DPP6: variants seen among roughly 807,000 people sequenced by gnomAD.
The protein encoded by DPP6 is A-type potassium channel modulatory protein DPP6.
DPP6 carries 69 observed loss-of-function variants against 122.6 expected under a neutral mutation model. That is an observed-to-expected ratio of 0.56 (90% CI 0.46 to 0.69). DPP6 has a LOEUF of 0.69. DPP6 is among the 30% of genes least tolerant of loss of function. The pLI is 0.00. For missense variants in DPP6, 928 were observed against 1,116.9 expected (o/e 0.83, Z 2.41); for synonymous variants, 418 against 433.1 (o/e 0.97, Z 0.43).
chr7:154,664,655 CT>C (rs59357287), intron 6 of DPP6, among the ~76,000 whole-genome samples: 19,007 of 126,942 alleles, frequency 0.15, 1,104 homozygotes, highest in South Asian at 0.21. Context: ...ATATGGAATT[CT>C]TTTTTTTTTT....
chr7:154,365,516 T>G (rs1812079976), intron 1 of DPP6, among the ~76,000 whole-genome samples: 1 of 152,142 alleles, frequency 6.6e-6, no homozygotes, highest in African/African-American at 2.4e-5. Context: ...GAGGGGAACG[T>G]GTAACTATGA....
chr7:153,964,818 TTTCC>T (rs10540702), intron 1 of DPP6, among the ~76,000 whole-genome samples: 42,439 of 80,324 alleles, frequency 0.53, 8,717 homozygotes, highest in East Asian at 0.6. Context: ...TTTCCTTTCC[TTTCC>T]TTTCCTTTTC....
At chr7:153,823,406 C>T in the DPP6 span, among the ~76,000 whole-genome samples, 1 of 145,240 alleles carries the variant, frequency 6.9e-6, no homozygotes, top group African/African-American at 2.6e-5. Context: ...CCAGTTCAGC[C>T]AATGGAAGTC....
chr7:154,803,468 T>A (rs58757620), intron 13 of DPP6, among the ~76,000 whole-genome samples: 1,680 of 152,302 alleles, frequency 0.011, 38 homozygotes, highest in African/African-American at 0.039. Flanking sequence ...TCCCGGCATT[T>A]GTCTCTTTCC....
At chr7:153,974,071 G>C (rs1244668906) in intron 1 of DPP6, among the ~76,000 whole-genome samples, 4 of 152,108 alleles carry the variant, frequency 2.6e-5, no homozygotes, top group Admixed American at 2.6e-4. Flanking sequence ...GCAAAGGATC[G>C]GGCACATTGG....
In DPP6 at chr7:154,386,681, T is replaced by A. The variant is rs184632080; in HGVS notation, c.244-59533T>A. The stretch of plus-strand genomic sequence containing the variant: ...TAGCTCTCCACTGGATTACCCTGTT[T>A]CATATGTAAAAGTTAGGTTAACTCG... On this transcript the variant is annotated intron_variant, in intron 1 of 25. Transcript: ENST00000377770. Among the ~76,000 whole-genome samples, 418 of 152,270 alleles carry A rather than the reference T, an allele frequency of 2.7e-3. 1 individual carries two copies. Among genetic ancestry groups the A allele is most frequent in the African/African-American group, 1.0e-2 (414 of 41,556 alleles).
chr7:154,395,946 GTT>G (rs34530908), intron 1 of DPP6, among the ~76,000 whole-genome samples: 1,482 of 145,454 alleles, frequency 0.01, 16 homozygotes, highest in East Asian at 0.024. Context: ...AATTTCTTGA[GTT>G]TTTTTTTTTT....
At chr7:154,502,443 A>G (rs78927868) in intron 3 of DPP6, among the ~76,000 whole-genome samples, 2,251 of 152,200 alleles carry the variant, frequency 0.015, 61 homozygotes, top group African/African-American at 0.051. Context: ...GTGGGAGGTG[A>G]TGAATTATGG....
At chr7:154,758,904 C>T (rs972500612) in intron 8 of DPP6, among the ~76,000 whole-genome samples, 3 of 152,186 alleles carry the variant, frequency 2.0e-5, no homozygotes, top group Admixed American at 6.5e-5. Context: ...CGCCTGTTTG[C>T]GTCCTTCCCG....
chr7:154,546,425 T>C (rs1829193836), intron 4 of DPP6, among the ~76,000 whole-genome samples: 1 of 150,884 alleles, frequency 6.6e-6, no homozygotes, highest in African/African-American at 2.4e-5. Context: ...CTTCTCACAA[T>C]GAGTATGTAA....
chr7:154,721,246 A>G lies in DPP6; in HGVS notation c.763-6521A>G, dbSNP rs75767607. On this transcript the variant is annotated intron_variant, in intron 7 of 25. Transcript: ENST00000377770. The stretch of plus-strand genomic sequence containing the variant: ...TCTGGAACCTGCTGCGTAAGGTCCA[A>G]TCCTGGCTCCTCCTTCCGCTAACTG... 9.9e-4 allele frequency among the ~76,000 whole-genome samples: 151 copies of G among 152,322 alleles called. 5 individuals are homozygous for G. In the East Asian group the frequency reaches 0.025, roughly 25 times the overall value.
intron 1 of DPP6, among the ~76,000 whole-genome samples, chr7:154,425,514 C>T (rs1817805969): frequency 6.6e-6 from 1 of 151,760 alleles, no homozygotes; most frequent in South Asian, 2.1e-4. Flanking sequence ...CCTATGTGAG[C>T]TTGCTAGTTA....
intron 8 of DPP6, among the ~76,000 whole-genome samples, chr7:154,761,482 G>A (rs777911671): frequency 3.0e-4 from 46 of 151,092 alleles, no homozygotes; most frequent in Non-Finnish European, 5.0e-4. Context: ...CTTGCATTGC[G>A]ATAAAGAAAT....
chr7:154,577,343 G>A (rs1037668623), intron 5 of DPP6, among the ~76,000 whole-genome samples: 4 of 152,196 alleles, frequency 2.6e-5, no homozygotes, highest in Admixed American at 2.0e-4. Context: ...GCCTGTGCAG[G>A]TGGGAGCTGG....
chr7:154,463,932 T>C (rs1242382916), intron 2 of DPP6, among the ~76,000 whole-genome samples: 1 of 152,102 alleles, frequency 6.6e-6, no homozygotes, highest in Non-Finnish European at 1.5e-5. Context: ...TGTGAAGAGG[T>C]GATGCAAGCA....
At chr7:154,568,437 G>A (rs1047761190) in intron 5 of DPP6, among the ~76,000 whole-genome samples, 1 of 152,204 alleles carries the variant, frequency 6.6e-6, no homozygotes, top group Non-Finnish European at 1.5e-5. Context: ...TGGAGGTAAT[G>A]AGCATTCCGT....
chr7:154,297,974 G>A (rs754669140), intron 1 of DPP6, among the ~76,000 whole-genome samples: 26 of 152,152 alleles, frequency 1.7e-4, no homozygotes, highest in Non-Finnish European at 1.0e-4. Flanking sequence ...AACACCAGGC[G>A]ACATGTTGCT....
chr7:154,110,386 A>T (rs1467490971), intron 1 of DPP6, among the ~76,000 whole-genome samples: 1 of 152,204 alleles, frequency 6.6e-6, no homozygotes, highest in Non-Finnish European at 1.5e-5. Context: ...GACTGAATCA[A>T]AAAGAAGCAT....
At chr7:154,871,362 A>G (rs62472964) in intron 18 of DPP6, among the ~76,000 whole-genome samples, 38,181 of 152,218 alleles carry the variant, frequency 0.25, 6,021 homozygotes, top group East Asian at 0.54. Flanking sequence ...GTATGAGCCC[A>G]GCATCAGGAA....
Sources: gnomAD v4.1 joint callset for allele counts (sites outside exome capture counted in the v4.1 genomes callset) on GRCh38, gnomAD v4.1.1 for gene constraint, MANE v1.5 for transcripts, NCBI Gene and HGNC (gene_info 2026-07-23, HGNC 2026-07-21) for gene names.